Variants in AKIRIN1 observed in about 807,000 individuals in gnomAD.
The protein encoded by AKIRIN1 is akirin 1.
In AKIRIN1, 4 loss-of-function variants were observed where a neutral mutation model predicts 25.9. That is an observed-to-expected ratio of 0.15 (90% CI 0.08 to 0.35). The LOEUF (loss-of-function observed/expected upper bound fraction) is 0.35, where lower values mean the gene tolerates loss of function less well. AKIRIN1 is among the 10% of genes least tolerant of loss of function. The probability of loss-of-function intolerance (pLI) is 1.00; values close to 1 mark genes in which losing one functional copy is unlikely to be tolerated. For synonymous variants in AKIRIN1, 125 were observed against 105.1 expected, an observed-to-expected ratio of 1.19 and a Z score of -1.16; for missense variants, 243 against 266.1, an observed-to-expected ratio of 0.91 and a Z score of 0.61.
At position 39,004,016 on chromosome 1, in the gene AKIRIN1, C is replaced by A. The variant is rs374982274; in HGVS notation, c.569-29C>A. ...ACACTACAGTTTTTAGTATTCTTAC[C>A]CTTTTTGTTTTTTATTCTTAATTTA... On this transcript the variant is annotated intron_variant, in intron 4 of 4. Transcript: ENST00000432648. The A allele has an allele frequency of 6.3e-6, 10 of 1,593,962 alleles. No homozygotes were observed. The African/African-American group carries it at 8.1e-5, about 13-fold the overall frequency.
chr1:38,995,304 G>T (rs1332677393), intron 1 of AKIRIN1, among the ~76,000 whole-genome samples: 1 of 152,188 alleles, frequency 6.6e-6, no homozygotes, highest in Non-Finnish European at 1.5e-5. Flanking sequence ...AGTATTGACT[G>T]CCATGTTCAA....
rs368454771 is a variant in AKIRIN1, at chr1:38,999,842, GT to G, written c.362-1123del. On this transcript the variant is annotated intron_variant, in intron 2 of 4. Transcript: ENST00000432648. ...ACCTGAGAACAGGGCTGCTGCCCAT[GT>G]TTTTTTGTTTTGTTTTGTTTTTTTG... 3.4e-3 allele frequency among the ~76,000 whole-genome samples: 517 copies of G among 151,624 alleles called. 33 individuals are homozygous for G. The South Asian group carries it at 0.1, about 30-fold the overall frequency.
intron 4 of AKIRIN1, 74 bp downstream of exon 4, chr1:39,003,492 C>T (rs1404086863): frequency 7.0e-7 from 1 of 1,430,190 alleles, no homozygotes; most frequent in Non-Finnish European, 9.7e-7. Context: ...CTTCTCTCCT[C>T]AGAGTAAAAA....
intron 1 of AKIRIN1, among the ~76,000 whole-genome samples, chr1:38,995,195 C>CA (rs1643938867): frequency 1.3e-5 from 2 of 151,966 alleles, no homozygotes; most frequent in South Asian, 4.1e-4. Context: ...GAGCAAAGTC[C>CA]AAAAAACCCA....
intron 1 of AKIRIN1, among the ~76,000 whole-genome samples, chr1:38,994,834 C>T (rs1643935741): frequency 6.6e-6 from 1 of 151,862 alleles, no homozygotes; most frequent in South Asian, 2.1e-4. Flanking sequence ...GGATTACAGG[C>T]GCATGCCACC....
At chr1:39,002,661 C>T (rs1375389429) in intron 3 of AKIRIN1, among the ~76,000 whole-genome samples, 1 of 151,818 alleles carries the variant, frequency 6.6e-6, no homozygotes, top group African/African-American at 2.4e-5. Flanking sequence ...ATCGGGGAGG[C>T]AGAGGTTGCA....
rs1644015627 is a variant in AKIRIN1, at chr1:39,004,149, C to T, written c.*94C>T. 2 of 1,364,122 alleles carry T rather than the reference C, an allele frequency of 1.5e-6. No individual in the cohort carries two copies. Among genetic ancestry groups the T allele is most frequent in the East Asian group, 2.3e-5 (1 of 43,676 alleles). The allele number at this position is 1,364,122 out of a possible 1,614,324, so 84.5% of individuals were successfully genotyped here. On this transcript the variant is annotated 3_prime_UTR_variant, in exon 5 of 5. Transcript: ENST00000432648. ...GTTTGATGTCACATTTCAGCTCCAA[C>T]TTTGCATCCTGAGAACACTTAAACG...
chr1:38,998,421 G>C, intron 2 of AKIRIN1, 110 bp downstream of exon 2: 1 of 1,206,836 alleles, frequency 8.3e-7, no homozygotes, highest in South Asian at 1.9e-5. Context: ...TAACGGGGAT[G>C]TATTAATATT....
intron 2 of AKIRIN1, among the ~76,000 whole-genome samples, chr1:38,999,844 T>A (rs992945093): frequency 1.3e-5 from 2 of 150,406 alleles, no homozygotes; most frequent in African/African-American, 4.9e-5. Flanking sequence ...CTGCCCATGT[T>A]TTTTTGTTTT....
chr1:38,991,385 C>G lies in AKIRIN1; in HGVS notation c.5C>G (p.Ala2Gly). The change falls in exon 1 of 5, where the codon GCG becomes GGG. Residue 2 changes from alanine (A) to glycine (G), a missense_variant. Transcript: ENST00000432648. The stretch of plus-strand genomic sequence containing the variant: ...GGTCCCTGGCCCCTCAGCGGCATGG[C>G]GTGCGGGGCGACGCTGAAGCGGCCC... MACGATLKRPME... is the reference protein window; with the variant it reads MGCGATLKRPME... 1.5e-6 allele frequency: 2 copies of G among 1,336,140 alleles called. No homozygotes were observed. Among genetic ancestry groups the G allele is most frequent in the Non-Finnish European group, 1.9e-6 (2 of 1,046,278 alleles). 82.8% of individuals were successfully genotyped at this position (1,336,140 alleles called of 1,614,324 possible). A position where few individuals can be genotyped will look rare whatever the true frequency, so the allele number is the denominator to read the frequency against.
At chr1:39,003,973 G>GA in intron 4 of AKIRIN1, 72 bp from the exon 5 acceptor site, 1 of 1,389,242 alleles carries the variant, frequency 7.2e-7, no homozygotes, top group Non-Finnish European at 1.0e-6. Flanking sequence ...TACTGTTAGT[G>GA]AAAATTTTTA....
At position 39,004,228 on chromosome 1, in the gene AKIRIN1, C is replaced by T. The variant is rs574293996; in HGVS notation, c.*173C>T. ...AAAGACCGTAAAACTTTCTGGTTGCCACAAGCATATCTTTCTTTTCTGCTC... is the reference window on the plus strand; with the variant it reads ...AAAGACCGTAAAACTTTCTGGTTGCTACAAGCATATCTTTCTTTTCTGCTC... On this transcript the variant is annotated 3_prime_UTR_variant, in exon 5 of 5. Transcript: ENST00000432648. The T allele has an allele frequency of 1.2e-5, 9 of 749,464 alleles. No individual in the cohort carries two copies. In the Middle Eastern group the frequency reaches 6.8e-4, roughly 56 times the overall value. 46.4% of individuals were successfully genotyped at this position (749,464 alleles called of 1,614,324 possible).
At position 39,000,974 on chromosome 1, in the gene AKIRIN1, T is replaced by G; in HGVS notation, c.364T>G (p.Ser122Ala). ...AACTCACTTTTTCTTTTGGCCAGGT[T>G]CCTCATGGATGAAGAAGGACCAGCC... ...SALTAPSSPG[S>A]SWMKKDQPTF... The change falls in exon 3 of 5, where the codon TCC (serine) becomes GCC (alanine). Residue 122 changes from serine to alanine, a missense_variant and splice_region_variant. Around this residue, in one of 3 missense-constraint regions of AKIRIN1, gnomAD observed 190 missense variants for 174.4 expected, o/e 1.09. Transcript: ENST00000432648. 6.2e-7 allele frequency: 1 copy of G among 1,610,058 alleles called. No homozygotes were observed. Among genetic ancestry groups the G allele is most frequent in the East Asian group, 2.2e-5 (1 of 44,784 alleles).
intron 3 of AKIRIN1, among the ~76,000 whole-genome samples, chr1:39,002,763 C>G (rs933784564): frequency 4.6e-5 from 7 of 152,028 alleles, no homozygotes; most frequent in African/African-American, 1.7e-4. Flanking sequence ...ATATATCATT[C>G]CCTCTCCCAC....
chr1:38,998,375 A>G, intron 2 of AKIRIN1, 64 bp downstream of exon 2: 1 of 1,498,912 alleles, frequency 6.7e-7, no homozygotes, highest in Non-Finnish European at 9.0e-7. Flanking sequence ...ATAATGATGA[A>G]TCTAGAATTG....
intron 1 of AKIRIN1, 145 bp from the exon 2 acceptor site, chr1:38,998,026 T>G: frequency 1.2e-6 from 1 of 865,234 alleles, no homozygotes; most frequent in Non-Finnish European, 1.7e-6. Flanking sequence ...CTTGTTTATG[T>G]CGGGGGAGGG....
chr1:38,997,795 CCT>C (rs1643958164), intron 1 of AKIRIN1, among the ~76,000 whole-genome samples: 1 of 152,154 alleles, frequency 6.6e-6, no homozygotes, highest in East Asian at 1.9e-4. Flanking sequence ...AAAAATAATC[CCT>C]GTTAGGTAAA....
At chr1:39,000,491 G>A (rs1259260877) in intron 2 of AKIRIN1, among the ~76,000 whole-genome samples, 1 of 151,322 alleles carries the variant, frequency 6.6e-6, no homozygotes, top group Admixed American at 6.6e-5. Context: ...GGAATTACAG[G>A]TGCCCATCAC....
chr1:38,999,065 ATC>A (rs1643969309), intron 2 of AKIRIN1, among the ~76,000 whole-genome samples: 1 of 152,136 alleles, frequency 6.6e-6, no homozygotes, highest in African/African-American at 2.4e-5. Flanking sequence ...AAAAAATAGA[ATC>A]TCAAGGTTGG....
Sources: gnomAD v4.1 joint callset for allele counts (sites outside exome capture counted in the v4.1 genomes callset) on GRCh38, gnomAD v4.1.1 for gene constraint, gnomAD v4.1.1 regional missense constraint, MANE v1.5 for transcripts, NCBI Gene and HGNC (gene_info 2026-07-23, HGNC 2026-07-21) for gene names.